The following DGKE variants were observed in gnomAD, a reference collection of about 807,000 sequenced individuals.
DGKE encodes the protein DAG kinase epsilon.
DGKE carries 53 observed loss-of-function variants against 70.0 expected under a neutral mutation model. The ratio of observed to expected loss-of-function variants is 0.76; its 90% CI spans 0.61 to 0.95. DGKE has a LOEUF of 0.95. Among genes scored for constraint, DGKE ranks in the 40% least tolerant of loss-of-function variants. DGKE has a pLI of 0.00. For missense variants in DGKE, 655 were observed against 706.9 expected, an observed-to-expected ratio of 0.93 and a Z score of 0.83; for synonymous variants, 291 against 257.0, an observed-to-expected ratio of 1.13 and a Z score of -1.27.
intron 2 of DGKE, among the ~76,000 whole-genome samples, chr17:56,838,166 G>A (rs1027767638): frequency 9.2e-5 from 14 of 151,966 alleles, no homozygotes; most frequent in African/African-American, 2.4e-5. Flanking sequence ...TCTACCCCAC[G>A]CCTCACACAC....
intron 2 of DGKE, chr17:56,835,526 C>G (rs1906557472): frequency 2.1e-6 from 1 of 484,730 alleles, no homozygotes; most frequent in African/African-American, 2.0e-5. Context: ...ACAGAGGTTT[C>G]TAAGTGGTGC....
intron 2 of DGKE, among the ~76,000 whole-genome samples, chr17:56,840,202 T>C (rs1177631131): frequency 6.6e-6 from 1 of 152,058 alleles, no homozygotes; most frequent in East Asian, 1.9e-4. Flanking sequence ...TTTCTGAAAT[T>C]TATGAGAATT....
chr17:56,839,664 A>G (rs894590599), intron 2 of DGKE, among the ~76,000 whole-genome samples: 7 of 151,986 alleles, frequency 4.6e-5, no homozygotes, highest in African/African-American at 1.5e-4. Context: ...GACTACAGAC[A>G]TGCACCACCA....
intron 3 of DGKE, among the ~76,000 whole-genome samples, chr17:56,844,504 G>A (rs1370527876): frequency 6.6e-6 from 1 of 152,122 alleles, no homozygotes; most frequent in East Asian, 1.9e-4. Context: ...TTTCTGAGTA[G>A]TACCTTCATT....
In DGKE at chr17:56,864,520, G is replaced by A. The variant is rs1908452399; in HGVS notation, c.*1729G>A. Reference sequence around the variant, plus strand: ...ATTCTAGTCTTGAGAAACTTTGTGAGCAGATCTGTTTTCAGCTTCTTTATA... The same window carrying A: ...ATTCTAGTCTTGAGAAACTTTGTGAACAGATCTGTTTTCAGCTTCTTTATA... On this transcript the variant is annotated 3_prime_UTR_variant, in exon 12 of 12. Coordinates refer to ENST00000284061, the MANE Select transcript of DGKE (RefSeq NM_003647.3). 1 of 151,790 alleles carries A rather than the reference G, an allele frequency of 6.6e-6. No homozygotes were observed. The highest frequency in any genetic ancestry group is 2.4e-5 in the African/African-American group (1 of 41,310). 9.4% of individuals were successfully genotyped at this position (151,790 alleles called of 1,614,324 possible).
chr17:56,861,952 C>T (rs376689744), intron 10 of DGKE, 34 bp downstream of exon 10: 2 of 1,563,820 alleles, frequency 1.3e-6, no homozygotes, highest in Non-Finnish European at 8.6e-7. Flanking sequence ...TTTTATGTCA[C>T]TATTTTATTT....
At chr17:56,849,110 C>G in intron 6 of DGKE, 71 bp from the exon 7 acceptor site, 1 of 1,455,248 alleles carries the variant, frequency 6.9e-7, no homozygotes, top group Non-Finnish European at 9.4e-7. Context: ...AGAAAACCCT[C>G]ATTTATCCAA....
chr17:56,847,785 G>A, intron 4 of DGKE, 137 bp from the exon 5 acceptor site: 1 of 476,634 alleles, frequency 2.1e-6, no homozygotes, highest in Non-Finnish European at 3.4e-6. Flanking sequence ...GTCTGGCAGG[G>A]TGCCTGGCAT....
intron 8 of DGKE, among the ~76,000 whole-genome samples, chr17:56,857,963 C>A (rs1908045990): frequency 6.7e-6 from 1 of 149,466 alleles, no homozygotes; most frequent in Non-Finnish European, 1.5e-5. Flanking sequence ...GTCCCAGCTA[C>A]TTGAGAGACT....
At chr17:56,845,838 A>G in intron 4 of DGKE, 29 bp downstream of exon 4, 1 of 1,559,490 alleles carries the variant, frequency 6.4e-7, no homozygotes, top group Non-Finnish European at 8.6e-7. Context: ...TTTTTATATT[A>G]ATGTTTTCAT....
In DGKE at chr17:56,862,493, T is replaced by G. The variant is rs554325705; in HGVS notation, c.1525-119T>G. On this transcript the variant is annotated intron_variant, in intron 11 of 11. Coordinates refer to ENST00000284061, the MANE Select transcript of DGKE (RefSeq NM_003647.3). The stretch of plus-strand genomic sequence containing the variant: ...TCAATGAATAAAAACATATTCAGAT[T>G]AATATTTTCTAAAAATGAAATGCAT... 7.2e-5 allele frequency: 71 copies of G among 984,822 alleles called. 1 individual carries two copies. The South Asian group carries it at 1.4e-3, about 19-fold the overall frequency. The allele number at this position is 984,822 out of a possible 1,614,324, so 61.0% of individuals were successfully genotyped here. A position where few individuals can be genotyped will look rare whatever the true frequency, so the allele number is the denominator to read the frequency against.
At chr17:56,856,767 A>G in intron 8 of DGKE, 142 bp downstream of exon 8, 1 of 1,102,882 alleles carries the variant, frequency 9.1e-7, no homozygotes, top group Non-Finnish European at 1.2e-6. Context: ...TAGGGTTGTC[A>G]AATTAGATCT....
chr17:56,835,251 C>T lies in DGKE; in HGVS notation c.456C>T (p.Cys152=), dbSNP rs1205014432. 2.5e-6 allele frequency: 4 copies of T among 1,608,512 alleles called. No individual in the cohort carries two copies. The highest frequency in any genetic ancestry group is 3.4e-6 in the Non-Finnish European group (4 of 1,178,328). The change falls in exon 2 of 12, where the codon TGC becomes TGT. Residue 152 remains cysteine, a synonymous_variant. Coordinates refer to ENST00000284061, the MANE Select transcript of DGKE (RefSeq NM_003647.3). The part of the protein sequence containing the change: ...KQQCGCQPKL[C]DYRCIWCQKT... ...AGTGTGGCTGTCAACCCAAGCTTTG[C>T]GATTACAGGTATGGTCTTCGTGGAC...
At chr17:56,858,735 G>A (rs1196884600) in intron 9 of DGKE, 70 bp downstream of exon 9, 2 of 1,168,048 alleles carry the variant, frequency 1.7e-6, no homozygotes, top group Non-Finnish European at 2.4e-6. Flanking sequence ...TTTTTAAACA[G>A]AAATGCTAAA....
At chr17:56,860,758 G>C (rs895762758) in intron 9 of DGKE, among the ~76,000 whole-genome samples, 3 of 150,886 alleles carry the variant, frequency 2.0e-5, no homozygotes, top group African/African-American at 7.3e-5. Context: ...ATTGCTGTAG[G>C]CTAAAAACAG....
chr17:56,867,602 C>CA lies in DGKE; in HGVS notation c.*4822dup, dbSNP rs1159437356. 5.8e-3 allele frequency: 790 copies of CA among 136,168 alleles called. 15 individuals are homozygous for CA. In the East Asian group the frequency reaches 0.072, roughly 12 times the overall value. The allele number at this position is 136,168 out of a possible 1,614,324, so 8.4% of individuals were successfully genotyped here. ...TGGGCAACAGAGCAAGACTCCATCTCAAAAAAAAAAAGGCCGGGCGTGGTG... is the reference window on the plus strand; with the variant it reads ...TGGGCAACAGAGCAAGACTCCATCTCAAAAAAAAAAAAGGCCGGGCGTGGTG... On this transcript the variant is annotated 3_prime_UTR_variant, in exon 12 of 12. Coordinates refer to ENST00000284061, the MANE Select transcript of DGKE (RefSeq NM_003647.3).
At chr17:56,856,669 C>T (rs370350165) in intron 8 of DGKE, 44 bp downstream of exon 8, 84 of 1,561,728 alleles carry the variant, frequency 5.4e-5, no homozygotes, top group Middle Eastern at 1.7e-4. Context: ...ACCGAAGGTA[C>T]AGTAAAAATC....
At chr17:56,861,968 A>T (rs1168345127) in intron 10 of DGKE, 50 bp downstream of exon 10, 1 of 1,556,946 alleles carries the variant, frequency 6.4e-7, no homozygotes, top group Non-Finnish European at 8.6e-7. Flanking sequence ...TATTTAAAGC[A>T]ATCTCTTGTT....
rs185940931 is a variant in DGKE at position 56,868,620 on chromosome 17, T to C, written c.*5829T>C. The C allele has an allele frequency of 2.0e-5, 3 of 152,346 alleles. No individual in the cohort carries two copies. In the East Asian group the frequency reaches 5.8e-4, roughly 29 times the overall value. 9.4% of individuals were successfully genotyped at this position (152,346 alleles called of 1,614,324 possible). On this transcript the variant is annotated 3_prime_UTR_variant, in exon 12 of 12. Transcript: ENST00000284061. Reference sequence around the variant, plus strand: ...CTGCAGGCAGAAATGTGAAAGCATTTGGTATGTTGAAGATACTTGCTTCTT... The same window carrying C: ...CTGCAGGCAGAAATGTGAAAGCATTCGGTATGTTGAAGATACTTGCTTCTT...
Sources: allele counts gnomAD v4.1 joint callset (sites outside exome capture counted in the v4.1 genomes callset), GRCh38; gene constraint gnomAD v4.1.1; transcripts MANE v1.5; gene names NCBI Gene and HGNC (gene_info 2026-07-23, HGNC 2026-07-21).